Variants in FRMD4A observed in about 807,000 individuals in gnomAD.
FRMD4A encodes the protein FERM domain containing 4A.
Under a neutral mutation model 129.1 loss-of-function variants are expected in FRMD4A, and 29 were observed. The ratio of observed to expected loss-of-function variants is 0.22; its 90% CI spans 0.17 to 0.31. The LOEUF is 0.31. Among genes scored for constraint, FRMD4A ranks in the 10% least tolerant of loss-of-function variants. The pLI is 1.00. For synonymous variants in FRMD4A, 634 were observed against 571.6 expected, an observed-to-expected ratio of 1.11 and a Z score of -1.56; for missense variants, 1,272 against 1,375.8, an observed-to-expected ratio of 0.92 and a Z score of 1.19.
chr10:14,019,885 G>C (rs188261167), intron 2 of FRMD4A, among the ~76,000 whole-genome samples: 5 of 151,952 alleles, frequency 3.3e-5, no homozygotes, highest in African/African-American at 9.7e-5. Context: ...AAACCTGCTT[G>C]ATTTCCTCTG....
At chr10:14,275,967 G>A (rs1845325869) in intron 2 of FRMD4A, among the ~76,000 whole-genome samples, 1 of 152,190 alleles carries the variant, frequency 6.6e-6, no homozygotes, top group African/African-American at 2.4e-5. Context: ...TGAGTCTGGA[G>A]GTGGAGGCTT....
chr10:14,053,009 C>A (rs1174112101), intron 2 of FRMD4A, among the ~76,000 whole-genome samples: 1 of 151,980 alleles, frequency 6.6e-6, no homozygotes, highest in Non-Finnish European at 1.5e-5. Context: ...TCCAACACTG[C>A]GGATCATATT....
chr10:13,707,491 C>T (rs1283703380), intron 12 of FRMD4A: 2 of 1,010,356 alleles, frequency 2.0e-6, no homozygotes, highest in Non-Finnish European at 2.4e-6. Context: ...GCAGGGAAGG[C>T]GGCGGGTGAG....
chr10:14,269,726 T>C (rs1259937579), intron 2 of FRMD4A, among the ~76,000 whole-genome samples: 1 of 152,228 alleles, frequency 6.6e-6, no homozygotes, highest in Admixed American at 6.5e-5. Context: ...GTGAGGTCCC[T>C]ATGATGGCTG....
At chr10:14,003,832 G>A (rs1338086633) in intron 2 of FRMD4A, among the ~76,000 whole-genome samples, 1 of 152,204 alleles carries the variant, frequency 6.6e-6, no homozygotes, top group Non-Finnish European at 1.5e-5. Flanking sequence ...TCCTCGTATT[G>A]CAAAGTTATA....
At chr10:14,058,912 G>C (rs1411886224) in intron 2 of FRMD4A, among the ~76,000 whole-genome samples, 1 of 145,080 alleles carries the variant, frequency 6.9e-6, no homozygotes, top group Non-Finnish European at 1.5e-5. Context: ...ATCTACCCTT[G>C]GTTTAGAAGG....
chr10:14,232,663 G>T (rs1843676442), intron 2 of FRMD4A, among the ~76,000 whole-genome samples: 1 of 152,148 alleles, frequency 6.6e-6, no homozygotes, highest in Non-Finnish European at 1.5e-5. Context: ...TGTATTGCTA[G>T]ATTTTTTATT....
chr10:14,008,292 A>T lies in FRMD4A; in HGVS notation c.46-149380T>A, dbSNP rs907320636. On this transcript the variant is annotated intron_variant, in intron 2 of 24. Transcript: ENST00000357447. ...GGGTTCCCAAATATCAAATAACTGA[A>T]AGAGTTTTTCTTTCGACCATCTGAG... 3 of 1,037,876 alleles carry T rather than the reference A, an allele frequency of 2.9e-6. No individual in the cohort carries two copies. The African/African-American group carries it at 5.1e-5, about 17-fold the overall frequency. 64.3% of individuals were successfully genotyped at this position (1,037,876 alleles called of 1,614,324 possible). A position where few individuals can be genotyped will look rare whatever the true frequency, so the allele number is the denominator to read the frequency against.
At chr10:14,017,190 C>T (rs1171285832) in intron 2 of FRMD4A, among the ~76,000 whole-genome samples, 6 of 152,192 alleles carry the variant, frequency 3.9e-5, no homozygotes, top group Non-Finnish European at 5.9e-5. Flanking sequence ...AGGAATAACG[C>T]TCCTGCAAGA....
chr10:14,242,906 A>G (rs1844100058), intron 2 of FRMD4A, among the ~76,000 whole-genome samples: 1 of 152,230 alleles, frequency 6.6e-6, no homozygotes, highest in East Asian at 1.9e-4. Context: ...AGGAATTAAA[A>G]ACAATGTCTC....
intron 4 of FRMD4A, among the ~76,000 whole-genome samples, chr10:13,797,497 T>C (rs1381607503): frequency 6.6e-6 from 1 of 151,954 alleles, no homozygotes; most frequent in Non-Finnish European, 1.5e-5. Context: ...CTTAGTGTCC[T>C]GTGAGTGGAA....
At chr10:14,010,546 C>G (rs546849892) in intron 2 of FRMD4A, among the ~76,000 whole-genome samples, 1 of 150,684 alleles carries the variant, frequency 6.6e-6, no homozygotes, top group Non-Finnish European at 1.5e-5. Flanking sequence ...AGTAGGTGAC[C>G]CCCTCCTTGG....
At chr10:13,826,161 A>G (rs1412927756) in intron 3 of FRMD4A, among the ~76,000 whole-genome samples, 3 of 152,226 alleles carry the variant, frequency 2.0e-5, no homozygotes, top group Non-Finnish European at 2.9e-5. Flanking sequence ...TGCTCAGTAA[A>G]TGAGGGTTCC....
intron 2 of FRMD4A, among the ~76,000 whole-genome samples, chr10:14,237,177 T>C (rs1843854084): frequency 6.6e-6 from 1 of 152,048 alleles, no homozygotes; most frequent in Admixed American, 6.6e-5. Flanking sequence ...GATGAGGAGA[T>C]AGAACCTGGA....
rs66793271 is a variant in FRMD4A, at chr10:14,317,756, G to GAAAA, written c.45+12298_45+12301dup. ...AGAGGAGAAGACAAGACAAGAGACGGAAAAAAAAAAAAAAAAGGAAGAAAG... is the reference window on the plus strand; with the variant it reads ...AGAGGAGAAGACAAGACAAGAGACGGAAAAAAAAAAAAAAAAAAAAGGAAGAAAG... On this transcript the variant is annotated intron_variant, in intron 2 of 24. Coordinates refer to ENST00000357447, the MANE Select transcript of FRMD4A (RefSeq NM_018027.5). Among the ~76,000 whole-genome samples, 47 of 123,326 alleles carry GAAAA rather than the reference G, an allele frequency of 3.8e-4. No individual in the cohort carries two copies. The East Asian group carries it at 4.8e-3, about 13-fold the overall frequency. 80.9% of individuals were successfully genotyped at this position (123,326 alleles called of 152,430 possible).
chr10:14,089,944 T>C (rs1268472723), intron 2 of FRMD4A, among the ~76,000 whole-genome samples: 4 of 152,194 alleles, frequency 2.6e-5, no homozygotes, highest in Non-Finnish European at 4.4e-5. Context: ...GAAAATAAAA[T>C]AGATCTTGCT....
At chr10:14,131,697 A>G (rs1839269651) in intron 2 of FRMD4A, among the ~76,000 whole-genome samples, 1 of 152,166 alleles carries the variant, frequency 6.6e-6, no homozygotes, top group Non-Finnish European at 1.5e-5. Flanking sequence ...CTCAGGAAAC[A>G]GAGGCAAACA....
chr10:13,728,570 A>ATTTTTTTTTTTTTTTTTTTT (rs1386167455), intron 12 of FRMD4A, among the ~76,000 whole-genome samples: 3 of 28,660 alleles, frequency 1.0e-4, no homozygotes, highest in Non-Finnish European at 1.7e-4. Flanking sequence ...GGTGATTACC[A>ATTTTTTTTTTTTTTTTTTTT]TTCTTTTTTT....
At chr10:13,891,933 C>G (rs925833643) in intron 2 of FRMD4A, among the ~76,000 whole-genome samples, 7 of 148,742 alleles carry the variant, frequency 4.7e-5, no homozygotes, top group African/African-American at 1.5e-4. Flanking sequence ...AGCCAGTCCC[C>G]GGCGCGCTGC....
Sources: allele counts gnomAD v4.1 joint callset (sites outside exome capture counted in the v4.1 genomes callset), GRCh38; gene constraint gnomAD v4.1.1; transcripts MANE v1.5; gene names NCBI Gene and HGNC (gene_info 2026-07-23, HGNC 2026-07-21).